The following CLTCL1 variants were observed in gnomAD, a reference collection of about 807,000 sequenced individuals.
The protein encoded by CLTCL1 is clathrin heavy chain 2.
CLTCL1 carries 159 observed loss-of-function variants against 190.0 expected under a neutral mutation model. The ratio of observed to expected loss-of-function variants is 0.84; its 90% CI spans 0.74 to 0.95. CLTCL1 has a LOEUF of 0.95. Among genes scored for constraint, CLTCL1 ranks in the 40% least tolerant of loss-of-function variants. The probability of loss-of-function intolerance (pLI) is 0.00; values close to 1 mark genes in which losing one functional copy is unlikely to be tolerated. For missense variants in CLTCL1, 1,878 were observed against 2,033.4 expected, an observed-to-expected ratio of 0.92 and a Z score of 1.47; for synonymous variants, 752 against 769.6, an observed-to-expected ratio of 0.98 and a Z score of 0.38.
At chr22:19,221,655 G>A in intron 16 of CLTCL1, 44 bp from the exon 17 acceptor site, 1 of 1,501,176 alleles carries the variant, frequency 6.7e-7, no homozygotes, top group Non-Finnish European at 9.0e-7. Flanking sequence ...GGCTACCACT[G>A]GAAGTCTTGA....
intron 4 of CLTCL1, among the ~76,000 whole-genome samples, chr22:19,241,277 G>C (rs1356933378): frequency 6.6e-6 from 1 of 152,208 alleles, no homozygotes; most frequent in Non-Finnish European, 1.5e-5. Flanking sequence ...TTCTCCACAG[G>C]GCACTCTGTG....
chr22:19,230,521 G>A (rs2085888806), intron 10 of CLTCL1, among the ~76,000 whole-genome samples: 1 of 152,126 alleles, frequency 6.6e-6, no homozygotes, highest in African/African-American at 2.4e-5. Context: ...CAGGAGTTGA[G>A]ACCACTGTGG....
intron 27 of CLTCL1, among the ~76,000 whole-genome samples, chr22:19,189,376 T>C (rs1569147887): frequency 6.6e-6 from 1 of 152,356 alleles, no homozygotes; most frequent in East Asian, 1.9e-4. Context: ...TAGAACATTT[T>C]TCAAAATTGG....
Position 19,288,351 on chromosome 22 carries a change from T to C in CLTCL1, c.42+3249A>G, listed in dbSNP as rs12158981. 2.2e-4 allele frequency among the ~76,000 whole-genome samples: 34 copies of C among 152,234 alleles called. 1 individual carries two copies. The highest frequency in any genetic ancestry group is 8.2e-4 in the African/African-American group (34 of 41,560). On this transcript the variant is annotated intron_variant, in intron 1 of 32. Coordinates refer to ENST00000427926, the MANE Select transcript of CLTCL1 (RefSeq NM_007098.4). ...CATATGTATGCATAGGGAAAAAAAG[T>C]GTATAAAGGGTTCAGAACAATCTGC...
intron 20 of CLTCL1, among the ~76,000 whole-genome samples, chr22:19,209,828 A>T (rs1446958751): frequency 2.0e-5 from 3 of 152,198 alleles, no homozygotes; most frequent in African/African-American, 7.2e-5. Flanking sequence ...TGCAGTTTAA[A>T]GAAGAAGAGT....
chr22:19,250,544 A>AT (rs1393453370), intron 3 of CLTCL1, among the ~76,000 whole-genome samples: 5 of 110,996 alleles, frequency 4.5e-5, no homozygotes, highest in Admixed American at 2.0e-4. Flanking sequence ...ACCACATTCT[A>AT]TTTTTTTTAA....
rs182857229 is a variant in CLTCL1 at position 19,269,107 on chromosome 22, A to G, written c.250+6516T>C. Among the ~76,000 whole-genome samples, 592 of 151,824 alleles carry G rather than the reference A, an allele frequency of 3.9e-3. 4 individuals are homozygous for G. The highest frequency in any genetic ancestry group is 6.0e-3 in the Non-Finnish European group (409 of 67,906). ...TCCTCAAAAAAAAAAAAAAAGAAGAAAAAAAGCTAAACAGGCCGGTAGTGG... is the reference window on the plus strand; with the variant it reads ...TCCTCAAAAAAAAAAAAAAAGAAGAGAAAAAGCTAAACAGGCCGGTAGTGG... On this transcript the variant is annotated intron_variant, in intron 2 of 32. Coordinates refer to ENST00000427926, the MANE Select transcript of CLTCL1 (RefSeq NM_007098.4).
intron 1 of CLTCL1, among the ~76,000 whole-genome samples, chr22:19,283,061 G>A (rs2087779279): frequency 1.3e-5 from 2 of 151,244 alleles, no homozygotes; most frequent in South Asian, 4.2e-4. Context: ...CAGTAGAGAC[G>A]GGGTTTCACC....
chr22:19,180,625 C>A, intron 31 of CLTCL1, 106 bp downstream of exon 31: 1 of 1,076,466 alleles, frequency 9.3e-7, no homozygotes, highest in East Asian at 2.4e-5. Flanking sequence ...AGCCCCCACC[C>A]ATCTATTCCC....
At chr22:19,251,511 G>A (rs1205416429) in intron 3 of CLTCL1, among the ~76,000 whole-genome samples, 3 of 152,200 alleles carry the variant, frequency 2.0e-5, no homozygotes, top group East Asian at 1.9e-4. Flanking sequence ...AGGCCGGACT[G>A]TGGTGGTGCT....
At chr22:19,186,098 C>T (rs1176901631) in intron 29 of CLTCL1, among the ~76,000 whole-genome samples, 2 of 152,276 alleles carry the variant, frequency 1.3e-5, no homozygotes, top group East Asian at 1.9e-4. Context: ...GAGGCCTCCA[C>T]GGAGTCTGAG....
intron 22 of CLTCL1, among the ~76,000 whole-genome samples, chr22:19,205,753 C>T (rs1615751): frequency 0.059 from 8,966 of 152,126 alleles, 330 homozygotes; most frequent in Middle Eastern, 0.16. Context: ...TCTTCCACTG[C>T]TTACATGTTT....
chr22:19,239,852 G>A (rs1569211749), intron 4 of CLTCL1, among the ~76,000 whole-genome samples: 1 of 152,244 alleles, frequency 6.6e-6, no homozygotes, highest in Non-Finnish European at 1.5e-5. Context: ...GCTGGGCGGG[G>A]GTAAGAATCT....
chr22:19,189,156 G>A (rs989683066), intron 27 of CLTCL1, among the ~76,000 whole-genome samples: 1 of 152,188 alleles, frequency 6.6e-6, no homozygotes, highest in Admixed American at 6.5e-5. Flanking sequence ...ACACGCCTTG[G>A]CCTCCCAAAG....
At chr22:19,183,739 T>C in intron 29 of CLTCL1, 128 bp from the exon 30 acceptor site, 2 of 884,574 alleles carry the variant, frequency 2.3e-6, no homozygotes, top group South Asian at 1.6e-5. Flanking sequence ...GGAGCAAGCC[T>C]GGACCCATGG....
intron 19 of CLTCL1, among the ~76,000 whole-genome samples, chr22:19,213,854 G>C (rs150011541): frequency 6.7e-6 from 1 of 150,332 alleles, no homozygotes; most frequent in Non-Finnish European, 1.5e-5. Context: ...TCCCGACTGT[G>C]GTGATTCTAC....
chr22:19,248,510 A>G (rs1450513042), intron 3 of CLTCL1, among the ~76,000 whole-genome samples: 1 of 152,136 alleles, frequency 6.6e-6, no homozygotes, highest in Non-Finnish European at 1.5e-5. Context: ...GTTTTAGAAC[A>G]CTTTCATCCT....
At chr22:19,269,973 A>G (rs2087254863) in intron 2 of CLTCL1, among the ~76,000 whole-genome samples, 1 of 151,936 alleles carries the variant, frequency 6.6e-6, no homozygotes, top group Non-Finnish European at 1.5e-5. Context: ...AAATTGCAGA[A>G]CAACAACAAC....
chr22:19,191,268 A>G (rs2084493757), intron 27 of CLTCL1, 36 bp downstream of exon 27: 1 of 1,613,624 alleles, frequency 6.2e-7, no homozygotes, highest in Admixed American at 1.7e-5. Flanking sequence ...GAGCTAGCCC[A>G]ATACACTCTT....
Sources: allele counts gnomAD v4.1 joint callset (sites outside exome capture counted in the v4.1 genomes callset), GRCh38; gene constraint gnomAD v4.1.1; transcripts MANE v1.5; gene names NCBI Gene and HGNC (gene_info 2026-07-23, HGNC 2026-07-21).